Variants in RBPMS observed in about 807,000 individuals in gnomAD.
The protein encoded by RBPMS is RNA binding protein, mRNA processing factor.
In RBPMS, 7 loss-of-function variants were observed where a neutral mutation model predicts 26.8. The ratio of observed to expected loss-of-function variants is 0.26; its 90% confidence interval spans 0.15 to 0.49. The LOEUF is 0.49. RBPMS is among the 20% of genes least tolerant of loss of function. The pLI is 0.98. For missense variants in RBPMS, 186 were observed against 250.0 expected (o/e 0.74, Z 1.73); for synonymous variants, 96 against 93.3 (o/e 1.03, Z -0.17).
At chr8:30,539,635 T>C (rs1393592101) in intron 5 of RBPMS, among the ~76,000 whole-genome samples, 1 of 151,260 alleles carries the variant, frequency 6.6e-6, no homozygotes, top group Non-Finnish European at 1.5e-5. Flanking sequence ...AATCTTTTCT[T>C]TTTTTTTTGA....
chr8:30,486,174 C>G (rs906474273), intron 4 of RBPMS, among the ~76,000 whole-genome samples: 3 of 151,942 alleles, frequency 2.0e-5, no homozygotes, highest in African/African-American at 7.3e-5. Flanking sequence ...ATGGTGAAAC[C>G]CTGTCTCTCC....
At chr8:30,408,450 A>T (rs1808905021) in intron 1 of RBPMS, among the ~76,000 whole-genome samples, 1 of 152,202 alleles carries the variant, frequency 6.6e-6, no homozygotes, top group South Asian at 2.1e-4. Flanking sequence ...AATCGCTTGA[A>T]TCCAGGAGAA....
intron 6 of RBPMS, among the ~76,000 whole-genome samples, chr8:30,548,042 C>T (rs1585843711): frequency 6.6e-6 from 1 of 152,192 alleles, no homozygotes; most frequent in East Asian, 1.9e-4. Context: ...CTGAAAGCCT[C>T]AGTACTGACT....
chr8:30,430,147 C>T (rs191292514), intron 1 of RBPMS, among the ~76,000 whole-genome samples: 99 of 152,152 alleles, frequency 6.5e-4, no homozygotes, highest in African/African-American at 2.3e-3. Flanking sequence ...ATGATGGCGC[C>T]CGCCTGTAGT....
chr8:30,553,951 T>C (rs1826611840), intron 6 of RBPMS, among the ~76,000 whole-genome samples: 1 of 152,062 alleles, frequency 6.6e-6, no homozygotes, highest in Admixed American at 6.6e-5. Flanking sequence ...TAATTTTTTG[T>C]ATTTTTAGTA....
chr8:30,560,957 T>C (rs1024620949), intron 7 of RBPMS, among the ~76,000 whole-genome samples: 9 of 152,200 alleles, frequency 5.9e-5, no homozygotes, highest in African/African-American at 2.2e-4. Context: ...CCCCAGACAA[T>C]GTAGTAGCTT....
chr8:30,507,465 G>A (rs1821185202), intron 5 of RBPMS, among the ~76,000 whole-genome samples: 1 of 152,162 alleles, frequency 6.6e-6, no homozygotes, highest in Non-Finnish European at 1.5e-5. Flanking sequence ...AGTTACAGCA[G>A]ATATTGATCT....
At chr8:30,513,587 C>CAAAAAAAAAA (rs56184994) in intron 5 of RBPMS, among the ~76,000 whole-genome samples, 5 of 108,506 alleles carry the variant, frequency 4.6e-5, no homozygotes, top group African/African-American at 1.4e-4. Context: ...GACTCCATCT[C>CAAAAAAAAAA]AAAAAAAAAA....
intron 4 of RBPMS, among the ~76,000 whole-genome samples, chr8:30,500,214 T>A (rs4386940): frequency 1 from 151,838 of 152,242 alleles, 75,717 homozygotes; most frequent in Middle Eastern, 1. Context: ...CACTAAGTTG[T>A]CTGCTATTAT....
intron 4 of RBPMS, among the ~76,000 whole-genome samples, chr8:30,483,904 G>T (rs148046334): frequency 1.3e-5 from 2 of 151,966 alleles, no homozygotes; most frequent in Non-Finnish European, 2.9e-5. Context: ...ATTCATCCAC[G>T]CTGTGGCATT....
intron 1 of RBPMS, among the ~76,000 whole-genome samples, chr8:30,386,822 A>T (rs1331630868): frequency 6.6e-6 from 1 of 152,240 alleles, no homozygotes; most frequent in African/African-American, 2.4e-5. Flanking sequence ...ATATTATATG[A>T]AACCATCTTT....
chr8:30,560,734 G>C (rs1378240216), intron 7 of RBPMS, among the ~76,000 whole-genome samples: 2 of 152,150 alleles, frequency 1.3e-5, no homozygotes, highest in African/African-American at 4.8e-5. Context: ...GAATATTTAA[G>C]AGGAGGGGGC....
chr8:30,548,209 A>G (rs1476489164), intron 6 of RBPMS, among the ~76,000 whole-genome samples: 2 of 152,236 alleles, frequency 1.3e-5, no homozygotes, highest in Non-Finnish European at 2.9e-5. Flanking sequence ...GTTGCTTTCA[A>G]AAAGCTTATA....
At chr8:30,545,191 A>T in intron 6 of RBPMS, 5 of 1,294,506 alleles carry the variant, frequency 3.9e-6, no homozygotes, top group Non-Finnish European at 5.0e-6. Context: ...GAGATACAAG[A>T]TAGTGTCTAA....
intron 5 of RBPMS, among the ~76,000 whole-genome samples, chr8:30,508,963 G>A (rs1462359790): frequency 6.6e-6 from 1 of 152,106 alleles, no homozygotes; most frequent in Non-Finnish European, 1.5e-5. Context: ...TTTCGATTCA[G>A]TTTTTATGAA....
rs2151100504 is a variant in RBPMS, at chr8:30,570,986, T to C, written c.*461T>C. On this transcript the variant is annotated 3_prime_UTR_variant, in exon 9 of 9. Coordinates refer to ENST00000397323, the MANE Select transcript of RBPMS (RefSeq NM_001008710.3). ...GCTTGTAATTAAAAATATCTATTTT[T>C]TTCCTCTGAAGTAAGTTGCATGTTT... 6.6e-6 allele frequency: 1 copy of C among 152,354 alleles called. No homozygotes were observed. The highest frequency in any genetic ancestry group is 1.9e-4 in the East Asian group (1 of 5,190). 9.4% of individuals were successfully genotyped at this position (152,354 alleles called of 1,614,324 possible).
chr8:30,437,157 A>G (rs1005395077), intron 1 of RBPMS, among the ~76,000 whole-genome samples: 6 of 151,410 alleles, frequency 4.0e-5, no homozygotes, highest in African/African-American at 1.5e-4. Flanking sequence ...TCCTGACCTC[A>G]TGATCCGCCT....
At chr8:30,552,370 A>G (rs1377967498) in intron 6 of RBPMS, 1 of 152,220 alleles carries the variant, frequency 6.6e-6, no homozygotes, top group African/African-American at 2.4e-5. Flanking sequence ...AAGAAAACCA[A>G]TTGTGACAGT....
At chr8:30,498,539 C>A (rs1322558407) in intron 4 of RBPMS, among the ~76,000 whole-genome samples, 1 of 152,140 alleles carries the variant, frequency 6.6e-6, no homozygotes, top group Non-Finnish European at 1.5e-5. Context: ...AAATGAATAA[C>A]ACAACCACAC....
Sources: gnomAD v4.1 joint callset for allele counts (sites outside exome capture counted in the v4.1 genomes callset) on GRCh38, gnomAD v4.1.1 for gene constraint, MANE v1.5 for transcripts, NCBI Gene and HGNC (gene_info 2026-07-23, HGNC 2026-07-21) for gene names.